Variants in SDK1 observed in about 807,000 individuals in gnomAD.
SDK1 encodes the protein protein sidekick-1.
SDK1 carries 157 observed loss-of-function variants against 245.5 expected under a neutral mutation model. The ratio of observed to expected loss-of-function variants is 0.64; its 90% CI spans 0.56 to 0.73. The LOEUF (loss-of-function observed/expected upper bound fraction) is 0.73, where lower values mean the gene tolerates loss of function less well. Among genes scored for constraint, SDK1 ranks in the 30% least tolerant of loss-of-function variants. The pLI, the probability that SDK1 is intolerant of heterozygous loss-of-function variation, is 0.00. For missense variants in SDK1, 3,583 were observed against 3,002.3 expected, an observed-to-expected ratio of 1.19 and a Z score of -4.52; for synonymous variants, 1,647 against 1,278.5, an observed-to-expected ratio of 1.29 and a Z score of -6.15.
Position 3,829,459 on chromosome 7 carries a change from G to A in SDK1, c.847+7876G>A, listed in dbSNP as rs117754268. Among the ~76,000 whole-genome samples, 3 of 152,286 alleles carry A rather than the reference G, an allele frequency of 2.0e-5. No homozygotes were observed. In the East Asian group the frequency reaches 5.8e-4, roughly 29 times the overall value. On this transcript the variant is annotated intron_variant, in intron 5 of 44. Coordinates refer to ENST00000404826, the MANE Select transcript of SDK1 (RefSeq NM_152744.4). Reference sequence around the variant, plus strand: ...GCCCTGTGAGTTAACAATCAACTCTGTTTCAAAGCTGAGGACACTGAGGCT... The same window carrying A: ...GCCCTGTGAGTTAACAATCAACTCTATTTCAAAGCTGAGGACACTGAGGCT...
intron 4 of SDK1, among the ~76,000 whole-genome samples, chr7:3,757,721 C>G (rs1006493814): frequency 2.0e-5 from 3 of 152,142 alleles, no homozygotes; most frequent in African/African-American, 7.2e-5. Context: ...CTCTTCCAAC[C>G]CCATTGCTGG....
intron 4 of SDK1, among the ~76,000 whole-genome samples, chr7:3,720,789 G>A (rs1471944764): frequency 1.3e-5 from 2 of 152,194 alleles, no homozygotes; most frequent in Admixed American, 1.3e-4. Context: ...ACAAAAACCT[G>A]TACATGAGTG....
At chr7:3,707,177 G>C (rs1156326834) in intron 4 of SDK1, among the ~76,000 whole-genome samples, 1 of 152,064 alleles carries the variant, frequency 6.6e-6, no homozygotes, top group African/African-American at 2.4e-5. Flanking sequence ...AGAATTTTTT[G>C]TGGAGGCACT....
chr7:3,573,575 C>T (rs1308766867), intron 1 of SDK1, among the ~76,000 whole-genome samples: 1 of 152,046 alleles, frequency 6.6e-6, no homozygotes, highest in African/African-American at 2.4e-5. Flanking sequence ...TTCTCAGTCA[C>T]ACCCAGCACC....
intron 1 of SDK1, among the ~76,000 whole-genome samples, chr7:3,559,544 C>G (rs1013271995): frequency 7.2e-5 from 11 of 152,034 alleles, no homozygotes; most frequent in African/African-American, 2.4e-4. Flanking sequence ...AATCAGCTTC[C>G]TCAGATGTAG....
intron 25 of SDK1, among the ~76,000 whole-genome samples, chr7:4,115,852 A>G (rs1783671660): frequency 6.6e-6 from 1 of 152,244 alleles, no homozygotes. Context: ...AAACTGCCTT[A>G]GGAGACACAG....
At chr7:4,057,337 G>A (rs1779267676) in intron 19 of SDK1, among the ~76,000 whole-genome samples, 1 of 152,162 alleles carries the variant, frequency 6.6e-6, no homozygotes. Context: ...GAGCACCTGA[G>A]TACTTCTCCT....
chr7:3,959,583 G>A (rs1446771886), intron 8 of SDK1, among the ~76,000 whole-genome samples: 1 of 152,114 alleles, frequency 6.6e-6, no homozygotes, highest in Non-Finnish European at 1.5e-5. Flanking sequence ...CCACACCCTT[G>A]TGAGTCCCCA....
chr7:3,623,961 A>AT (rs1562610894), intron 2 of SDK1, among the ~76,000 whole-genome samples: 1 of 152,118 alleles, frequency 6.6e-6, no homozygotes, highest in African/African-American at 2.4e-5. Flanking sequence ...GGGAAAGGTT[A>AT]TTTTTTTCTT....
intron 5 of SDK1, among the ~76,000 whole-genome samples, chr7:3,942,150 C>T (rs1452699445): frequency 2.6e-5 from 4 of 152,152 alleles, no homozygotes; most frequent in Non-Finnish European, 5.9e-5. Context: ...TCATGATCCG[C>T]CCACCCAAGC....
chr7:3,412,181 T>C (rs1343519739), intron 1 of SDK1, among the ~76,000 whole-genome samples: 1 of 152,150 alleles, frequency 6.6e-6, no homozygotes, highest in Non-Finnish European at 1.5e-5. Flanking sequence ...TTTATATGGC[T>C]CAAAATTTGA....
At chr7:4,090,390 A>G (rs1013179361) in intron 22 of SDK1, among the ~76,000 whole-genome samples, 2 of 152,186 alleles carry the variant, frequency 1.3e-5, no homozygotes, top group East Asian at 3.8e-4. Context: ...CCATTGGCCT[A>G]TTCCTGAAAG....
rs79574730 is a variant in SDK1, at chr7:4,045,664, C to G, written c.2603-3684C>G. On this transcript the variant is annotated intron_variant, in intron 17 of 44. Coordinates refer to ENST00000404826, the MANE Select transcript of SDK1 (RefSeq NM_152744.4). ...CGTAAGAAAGCACCAAACGGTCCCA[C>G]CAGGTGGCCGTGCCATGGGCATCCG... is the stretch of plus-strand genomic sequence containing the variant. 6.6e-3 allele frequency among the ~76,000 whole-genome samples: 1,004 copies of G among 152,284 alleles called. 5 individuals are homozygous for G. The highest frequency in any genetic ancestry group is 0.024 in the African/African-American group (983 of 41,546).
At chr7:4,029,080 T>C (rs956020021) in intron 17 of SDK1, among the ~76,000 whole-genome samples, 1 of 116,078 alleles carries the variant, frequency 8.6e-6, no homozygotes, top group African/African-American at 3.8e-5. Context: ...GGTCACTGAA[T>C]TGATAGACCT....
chr7:3,664,086 G>T (rs1783451076), intron 4 of SDK1, among the ~76,000 whole-genome samples: 1 of 151,928 alleles, frequency 6.6e-6, no homozygotes, highest in African/African-American at 2.4e-5. Context: ...TTCAATGCTT[G>T]TTGAAACACA....
intron 5 of SDK1, among the ~76,000 whole-genome samples, chr7:3,912,470 C>T (rs747623460): frequency 7.2e-5 from 11 of 152,350 alleles, no homozygotes; most frequent in Non-Finnish European, 1.0e-4. Context: ...ACATTGCATT[C>T]TGTGAGGCGC....
At chr7:3,676,304 A>C (rs1783893360) in intron 4 of SDK1, among the ~76,000 whole-genome samples, 1 of 145,502 alleles carries the variant, frequency 6.9e-6, no homozygotes, top group South Asian at 2.2e-4. Flanking sequence ...CACGTACCAC[A>C]CCTGGCCTCT....
intron 4 of SDK1, among the ~76,000 whole-genome samples, chr7:3,794,085 C>A (rs375720155): frequency 5.3e-5 from 8 of 152,154 alleles, no homozygotes; most frequent in African/African-American, 1.9e-4. Context: ...TGAATGCACT[C>A]TTTGAATCTA....
intron 4 of SDK1, among the ~76,000 whole-genome samples, chr7:3,675,837 G>C (rs1302649054): frequency 6.6e-6 from 1 of 152,078 alleles, no homozygotes; most frequent in Non-Finnish European, 1.5e-5. Flanking sequence ...CTTCTTTTGA[G>C]AAGTATCTGT....
Sources: gnomAD v4.1 joint callset for allele counts (sites outside exome capture counted in the v4.1 genomes callset) on GRCh38, gnomAD v4.1.1 for gene constraint, MANE v1.5 for transcripts, NCBI Gene and HGNC (gene_info 2026-07-23, HGNC 2026-07-21) for gene names.